Variants in ENPEP observed in about 807,000 individuals in gnomAD.
The protein encoded by ENPEP is AP-A.
In ENPEP, 103 loss-of-function variants were observed where a neutral mutation model predicts 114.5. That is an observed-to-expected ratio of 0.90 (90% CI 0.77 to 1.06). The LOEUF (loss-of-function observed/expected upper bound fraction) is 1.06. ENPEP is among the 50% of genes least tolerant of loss of function. The probability of loss-of-function intolerance (pLI) is 0.00; values close to 1 mark genes in which losing one functional copy is unlikely to be tolerated. For missense variants in ENPEP, 1,196 were observed against 1,161.3 expected (o/e 1.03, Z -0.43); for synonymous variants, 420 against 422.0 (o/e 1.00, Z 0.06).
At chr4:110,545,780 G>A (rs1727031800) in intron 13 of ENPEP, among the ~76,000 whole-genome samples, 2 of 151,946 alleles carry the variant, frequency 1.3e-5, no homozygotes, top group African/African-American at 2.4e-5. Context: ...AGGTGGGCAG[G>A]TGGACACTTC....
intron 2 of ENPEP, among the ~76,000 whole-genome samples, chr4:110,489,463 C>T (rs1294240532): frequency 6.6e-6 from 1 of 152,070 alleles, no homozygotes; most frequent in Non-Finnish European, 1.5e-5. Context: ...ACGTAGATGA[C>T]AGGTTGATGG....
At chr4:110,527,969 A>G (rs1158565183) in intron 10 of ENPEP, among the ~76,000 whole-genome samples, 2 of 152,328 alleles carry the variant, frequency 1.3e-5, no homozygotes, top group South Asian at 2.1e-4. Context: ...AAACCAAACA[A>G]TTTTACTGCC....
intron 1 of ENPEP, among the ~76,000 whole-genome samples, chr4:110,477,960 G>GAT (rs1724176526): frequency 1.3e-5 from 2 of 152,066 alleles, no homozygotes; most frequent in South Asian, 4.1e-4. Context: ...TCACACTGTG[G>GAT]ATGTAGCCCT....
At chr4:110,511,172 A>G (rs1032892748) in intron 6 of ENPEP, among the ~76,000 whole-genome samples, 3 of 152,214 alleles carry the variant, frequency 2.0e-5, no homozygotes, top group Non-Finnish European at 4.4e-5. Flanking sequence ...AAAAAAGTTA[A>G]ATGCTTGAAG....
intron 3 of ENPEP, among the ~76,000 whole-genome samples, chr4:110,497,394 G>A (rs1436695666): frequency 1.3e-5 from 2 of 151,606 alleles, no homozygotes; most frequent in Admixed American, 6.6e-5. Flanking sequence ...AGTAAGCCAC[G>A]GAGGATTGCT....
intron 3 of ENPEP, among the ~76,000 whole-genome samples, chr4:110,504,234 G>T (rs967032641): frequency 7.2e-5 from 11 of 152,172 alleles, no homozygotes; most frequent in African/African-American, 2.4e-4. Context: ...TTGTATTGTG[G>T]GCCCAAGCCA....
Position 110,477,034 on chromosome 4 carries a change from C to T in ENPEP, c.620C>T (p.Thr207Ile). The change falls in exon 1 of 20, where the codon ACC (threonine) becomes ATC (isoleucine). Residue 207 changes from threonine to isoleucine, a missense_variant. Thr to Ile is a moderately conservative substitution (Grantham distance 89). Coordinates refer to ENST00000265162, the MANE Select transcript of ENPEP (RefSeq NM_001977.4). ...NGSLVGFYRT[T>I]YTENGQVKSI... ...TCCCTCGTGGGATTTTATAGAACCACCTACACGGAGAACGGACAAGTCAAG... is the reference window on the plus strand; with the variant it reads ...TCCCTCGTGGGATTTTATAGAACCATCTACACGGAGAACGGACAAGTCAAG... The T allele has an allele frequency of 1.2e-6, 2 of 1,614,062 alleles. No individual in the cohort carries two copies. The highest frequency in any genetic ancestry group is 1.7e-6 in the Non-Finnish European group (2 of 1,179,930).
At chr4:110,493,375 G>A (rs1213917830) in intron 3 of ENPEP, among the ~76,000 whole-genome samples, 1 of 152,182 alleles carries the variant, frequency 6.6e-6, no homozygotes, top group East Asian at 1.9e-4. Flanking sequence ...TCCATCATTT[G>A]GGAGGGAAAC....
Position 110,488,691 on chromosome 4 carries a change from T to C in ENPEP, c.786+9T>C. 6.2e-7 allele frequency: 1 copy of C among 1,604,344 alleles called. No individual in the cohort carries two copies. The highest frequency in any genetic ancestry group is 8.5e-7 in the Non-Finnish European group (1 of 1,176,908). ...CAAATATGCCAGTGGCGGTAAGTATTTTTTAAATGTTTTGTTTATGCAGAG... is the reference window on the plus strand; with the variant it reads ...CAAATATGCCAGTGGCGGTAAGTATCTTTTAAATGTTTTGTTTATGCAGAG... On this transcript the variant is annotated intron_variant, in intron 2 of 19. Transcript: ENST00000265162.
chr4:110,492,202 G>A (rs923593755), intron 3 of ENPEP, among the ~76,000 whole-genome samples: 1 of 151,966 alleles, frequency 6.6e-6, no homozygotes, highest in Non-Finnish European at 1.5e-5. Flanking sequence ...AATTTTATAA[G>A]GAGGAAATCA....
rs867259142 is a variant in ENPEP, at chr4:110,480,335, C to G, written c.644+3277C>G. Among the ~76,000 whole-genome samples, 6 of 152,068 alleles carry G rather than the reference C, an allele frequency of 3.9e-5. No homozygotes were observed. In the South Asian group the frequency reaches 1.2e-3, roughly 32 times the overall value. On this transcript the variant is annotated intron_variant, in intron 1 of 19. Transcript: ENST00000265162. ...AAGTGCATCATGCTTTTTTTTCTAG[C>G]CTGTGAGTAATATTTTGGCAATGCA...
At chr4:110,518,767 G>A (rs1725874331) in intron 8 of ENPEP, among the ~76,000 whole-genome samples, 1 of 152,082 alleles carries the variant, frequency 6.6e-6, no homozygotes, top group Non-Finnish European at 1.5e-5. Flanking sequence ...ACCTCAAAAT[G>A]TGGGAGCTTT....
intron 19 of ENPEP, among the ~76,000 whole-genome samples, chr4:110,560,468 C>T (rs1398085024): frequency 6.6e-6 from 1 of 152,064 alleles, no homozygotes; most frequent in Non-Finnish European, 1.5e-5. Context: ...GATAAGTATA[C>T]ACAGTGAATT....
At chr4:110,538,498 G>A (rs1308244818) in intron 11 of ENPEP, among the ~76,000 whole-genome samples, 1 of 152,144 alleles carries the variant, frequency 6.6e-6, no homozygotes, top group Admixed American at 6.5e-5. Flanking sequence ...TTGGATTAAG[G>A]GAATGTTGTG....
chr4:110,524,551 A>G (rs1429077829), intron 10 of ENPEP, among the ~76,000 whole-genome samples: 1 of 152,134 alleles, frequency 6.6e-6, no homozygotes, highest in Non-Finnish European at 1.5e-5. Context: ...TCTAATTAAA[A>G]TTTTTTCTAT....
chr4:110,495,605 C>T (rs1295090957), intron 3 of ENPEP, among the ~76,000 whole-genome samples: 2 of 152,112 alleles, frequency 1.3e-5, no homozygotes, highest in Non-Finnish European at 2.9e-5. Flanking sequence ...CCTGTAATCC[C>T]AGCTACTCGG....
intron 10 of ENPEP, among the ~76,000 whole-genome samples, chr4:110,522,286 G>A (rs1261215163): frequency 3.3e-5 from 5 of 151,730 alleles, no homozygotes; most frequent in South Asian, 2.1e-4. Context: ...GGTTCAAGCC[G>A]TTCTCCTCCC....
At chr4:110,496,459 A>G (rs1724941384) in intron 3 of ENPEP, among the ~76,000 whole-genome samples, 1 of 152,166 alleles carries the variant, frequency 6.6e-6, no homozygotes, top group Admixed American at 6.5e-5. Flanking sequence ...CATTTATCAA[A>G]CATTCGTCAA....
intron 11 of ENPEP, 48 bp from the exon 12 acceptor site, chr4:110,542,701 TGA>T: frequency 6.5e-7 from 1 of 1,537,384 alleles, no homozygotes; most frequent in Non-Finnish European, 8.8e-7. Context: ...TTCTCTGTGT[TGA>T]CAGTGCATGC....
Sources: allele counts gnomAD v4.1 joint callset (sites outside exome capture counted in the v4.1 genomes callset), GRCh38; gene constraint gnomAD v4.1.1; transcripts MANE v1.5; gene names NCBI Gene and HGNC (gene_info 2026-07-23, HGNC 2026-07-21).